The following OR3A2 variants were observed in gnomAD, a reference collection of about 807,000 sequenced individuals.
OR3A2 encodes the protein olfactory receptor 3A2.
For synonymous variants in OR3A2, 126 were observed against 159.3 expected (o/e 0.79, Z 1.57); for missense variants, 318 against 392.8 (o/e 0.81, Z 1.61).
intron 1 of OR3A2, among the ~76,000 whole-genome samples, chr17:3,283,467 C>T (rs190076052): frequency 1.7e-4 from 26 of 152,232 alleles, no homozygotes; most frequent in Admixed American, 5.9e-4. Context: ...TCAGGTGATC[C>T]GCCCACCTCA....
chr17:3,355,189 T>C (rs1426064494), intron 2 of OR3A2, among the ~76,000 whole-genome samples: 2 of 151,550 alleles, frequency 1.3e-5, no homozygotes, highest in African/African-American at 4.9e-5. Context: ...ATTTTTTGAA[T>C]GTTTTATCAT....
chr17:3,371,191 G>T (rs1206554964), intron 2 of OR3A2, among the ~76,000 whole-genome samples: 1 of 151,872 alleles, frequency 6.6e-6, no homozygotes, highest in Non-Finnish European at 1.5e-5. Context: ...CAGTAGGGGC[G>T]GCCGGGCAGA....
intron 2 of OR3A2, among the ~76,000 whole-genome samples, chr17:3,363,558 C>G (rs2049536784): frequency 6.6e-6 from 1 of 151,808 alleles, no homozygotes; most frequent in South Asian, 2.1e-4. Flanking sequence ...TAAACTGTCT[C>G]ACATCTTCCT....
intron 2 of OR3A2, among the ~76,000 whole-genome samples, chr17:3,359,606 A>G (rs1283096509): frequency 4.6e-5 from 7 of 151,622 alleles, no homozygotes; most frequent in Admixed American, 6.6e-5. Context: ...TAGGTCCCCA[A>G]TCTCTTCTGG....
Position 3,384,013 on chromosome 17 carries a change from A to AT in OR3A2, c.-274-115dup, listed in dbSNP as rs779820326. The AT allele has an allele frequency of 6.5e-3, 707 of 108,668 alleles. 6 individuals carry two copies. Among genetic ancestry groups the AT allele is most frequent in the African/African-American group, 0.022 (660 of 29,514 alleles). The allele number at this position is 108,668 out of a possible 1,614,324, so 6.7% of individuals were successfully genotyped here. On this transcript the variant is annotated intron_variant, in intron 1 of 4. Transcript: ENST00000573491. The stretch of plus-strand genomic sequence containing the variant: ...TGTATACAATATTTATTGAATAAAT[A>AT]TTGTATACAAATATTTATTGAATAA...
At chr17:3,285,777 G>T (rs745420546), upstream of OR3A2, among the ~76,000 whole-genome samples, 4 of 152,140 alleles carry the variant, frequency 2.6e-5, no homozygotes, top group African/African-American at 4.8e-5. Context: ...TATAGAGTGA[G>T]AATCCCTCCC....
At chr17:3,352,838 A>T (rs931542370) in intron 2 of OR3A2, among the ~76,000 whole-genome samples, 14 of 151,986 alleles carry the variant, frequency 9.2e-5, no homozygotes, top group African/African-American at 1.7e-4. Context: ...CACTTTGGGT[A>T]GTATGGGCAT....
intron 2 of OR3A2, among the ~76,000 whole-genome samples, chr17:3,374,246 A>C (rs2049659635): frequency 6.6e-6 from 1 of 152,100 alleles, no homozygotes; most frequent in Non-Finnish European, 1.5e-5. Context: ...CTTCACCTTA[A>C]CTTTAGATAA....
intron 2 of OR3A2, among the ~76,000 whole-genome samples, chr17:3,370,050 A>C (rs979853812): frequency 6.6e-6 from 1 of 152,104 alleles, no homozygotes; most frequent in Non-Finnish European, 1.5e-5. Context: ...TGATCTGCCC[A>C]TCTTGGCCTC....
chr17:3,336,049 C>G (rs995929137), exon 3 of OR3A2: 2 of 152,354 alleles, frequency 1.3e-5, no homozygotes, highest in African/African-American at 4.8e-5. Flanking sequence ...TGCCGGAACA[C>G]GCAGAGCCCT....
intron 3 of OR3A2, among the ~76,000 whole-genome samples, chr17:3,322,358 T>C (rs1396778735): frequency 6.6e-6 from 1 of 152,200 alleles, no homozygotes; most frequent in South Asian, 2.1e-4. Flanking sequence ...GGGTTTTTTG[T>C]GTCTCTATTT....
At chr17:3,291,597 G>C in intron 3 of OR3A2, 1 of 1,503,698 alleles carries the variant, frequency 6.7e-7, no homozygotes, top group Non-Finnish European at 9.0e-7. Context: ...TTTTCCTTTA[G>C]TACAAGACAC....
intron 2 of OR3A2, among the ~76,000 whole-genome samples, chr17:3,342,327 C>T (rs897806428): frequency 1.3e-5 from 2 of 152,186 alleles, no homozygotes; most frequent in Non-Finnish European, 2.9e-5. Flanking sequence ...GAGCTGCAAT[C>T]CTTTGGAGGA....
At chr17:3,312,737 G>C (rs950862284) in intron 3 of OR3A2, among the ~76,000 whole-genome samples, 1 of 152,154 alleles carries the variant, frequency 6.6e-6, no homozygotes, top group East Asian at 1.9e-4. Context: ...TGATTCCCCT[G>C]CCTTAGCCTC....
Position 3,380,342 on chromosome 17 carries a change from C to T in OR3A2, c.-179+3462G>A, listed in dbSNP as rs551853237. Among the ~76,000 whole-genome samples the T allele has an allele frequency of 2.6e-5, 4 of 152,248 alleles. No homozygotes were observed. The East Asian group carries it at 5.8e-4, about 22-fold the overall frequency. ...GAAGTGGATGAACCATAGGTGGGTT[C>T]GGAGCCCAGGATCTGGACTCTGACT... On this transcript the variant is annotated intron_variant, in intron 2 of 4. Coordinates refer to the OR3A2 transcript ENST00000573491.
intron 2 of OR3A2, among the ~76,000 whole-genome samples, chr17:3,376,672 C>T (rs762453108): frequency 3.0e-4 from 45 of 152,292 alleles, no homozygotes; most frequent in Non-Finnish European, 4.1e-4. Context: ...GTCCAGGCAG[C>T]AGGGCTGAGA....
intron 2 of OR3A2, among the ~76,000 whole-genome samples, chr17:3,348,221 T>C (rs1376982675): frequency 1.3e-5 from 2 of 152,198 alleles, no homozygotes; most frequent in Non-Finnish European, 2.9e-5. Context: ...TGGTAGTTTC[T>C]TTTGCTGTGC....
At chr17:3,315,757 G>GGC (rs1029557866) in intron 3 of OR3A2, among the ~76,000 whole-genome samples, 5 of 126,702 alleles carry the variant, frequency 3.9e-5, no homozygotes, top group African/African-American at 1.5e-4. Context: ...AATATGGGGG[G>GGC]GGGGGCGGTA....
chr17:3,349,389 C>G (rs1474825155), intron 2 of OR3A2, among the ~76,000 whole-genome samples: 2 of 151,946 alleles, frequency 1.3e-5, no homozygotes, highest in East Asian at 1.9e-4. Flanking sequence ...ATCCTAGTCT[C>G]TGATAAAACA....
Sources: allele counts gnomAD v4.1 joint callset (sites outside exome capture counted in the v4.1 genomes callset), GRCh38; gene constraint gnomAD v4.1.1; transcripts MANE v1.5; gene names NCBI Gene and HGNC (gene_info 2026-07-23, HGNC 2026-07-21).